PTPRR: variants seen among roughly 807,000 people sequenced by gnomAD.
The protein encoded by PTPRR is protein tyrosine phosphatase receptor type R.
A neutral mutation model predicts 77.2 loss-of-function variants in PTPRR; 38 were observed. That is an observed-to-expected ratio of 0.49 (90% confidence interval 0.38 to 0.65). The LOEUF is 0.65. PTPRR is among the 30% of genes least tolerant of loss of function. The probability of loss-of-function intolerance (pLI) is 0.00; values close to 1 mark genes in which losing one functional copy is unlikely to be tolerated. For missense variants in PTPRR, 744 were observed against 799.2 expected, an observed-to-expected ratio of 0.93 and a Z score of 0.83; for synonymous variants, 299 against 283.1, an observed-to-expected ratio of 1.06 and a Z score of -0.57.
At chr12:70,797,321 T>C (rs898746856) in intron 2 of PTPRR, among the ~76,000 whole-genome samples, 1 of 152,216 alleles carries the variant, frequency 6.6e-6, no homozygotes, top group African/African-American at 2.4e-5. Flanking sequence ...CCTCCAATTA[T>C]GCTCCCATCC....
intron 13 of PTPRR, among the ~76,000 whole-genome samples, chr12:70,646,242 A>G (rs141833954): frequency 2.6e-4 from 39 of 152,290 alleles, no homozygotes; most frequent in Non-Finnish European, 7.3e-5. Context: ...GGTCAGCTGT[A>G]AGGTGTGTCT....
At chr12:70,744,278 T>C (rs2136922717) in intron 6 of PTPRR, among the ~76,000 whole-genome samples, 1 of 152,298 alleles carries the variant, frequency 6.6e-6, no homozygotes, top group South Asian at 2.1e-4. Flanking sequence ...TTCTCCTGAC[T>C]CCCAGTTAGC....
rs1592671158 is a variant in PTPRR, at chr12:70,684,797, C to A, written c.1280-14G>T. On this transcript the variant is annotated splice_polypyrimidine_tract_variant and intron_variant, in intron 8 of 13. Coordinates refer to ENST00000283228, the MANE Select transcript of PTPRR (RefSeq NM_002849.4). ...TGCTGAGGGGATCTAATGAAGAAAA[C>A]AAAAAAGAATATATTAAACAGATTT... The A allele has an allele frequency of 1.3e-6, 2 of 1,557,122 alleles. No individual in the cohort carries two copies. Among genetic ancestry groups the A allele is most frequent in the African/African-American group, 1.4e-5 (1 of 72,410 alleles).
At chr12:70,873,741 A>G (rs1027884883) in intron 2 of PTPRR, among the ~76,000 whole-genome samples, 3 of 151,790 alleles carry the variant, frequency 2.0e-5, no homozygotes, top group African/African-American at 7.3e-5. Context: ...CTGCAATTTT[A>G]TCATGAGAAT....
intron 2 of PTPRR, among the ~76,000 whole-genome samples, chr12:70,791,466 C>T (rs1040348110): frequency 5.3e-5 from 8 of 152,260 alleles, no homozygotes; most frequent in African/African-American, 1.7e-4. Context: ...TTCCTGTCAC[C>T]GTCTGCCTGC....
intron 2 of PTPRR, among the ~76,000 whole-genome samples, chr12:70,886,540 A>G (rs900898966): frequency 6.6e-6 from 1 of 152,194 alleles, no homozygotes; most frequent in African/African-American, 2.4e-5. Flanking sequence ...ATGATTTTGA[A>G]TCCTGGGAAT....
At chr12:70,728,901 A>G (rs1889551783) in intron 6 of PTPRR, among the ~76,000 whole-genome samples, 3 of 152,066 alleles carry the variant, frequency 2.0e-5, no homozygotes, top group African/African-American at 7.2e-5. Context: ...GAGCTGTTGG[A>G]ATACTACGGG....
intron 2 of PTPRR, among the ~76,000 whole-genome samples, chr12:70,802,359 A>G (rs1203454420): frequency 6.6e-6 from 1 of 152,190 alleles, no homozygotes. Flanking sequence ...TGATGAGCAA[A>G]TTATATTGAG....
chr12:70,854,174 C>T (rs1202290519), intron 2 of PTPRR, among the ~76,000 whole-genome samples: 1 of 152,158 alleles, frequency 6.6e-6, no homozygotes, highest in Admixed American at 6.5e-5. Flanking sequence ...CTTTCCATGA[C>T]CACCAACAGT....
intron 6 of PTPRR, among the ~76,000 whole-genome samples, chr12:70,733,479 A>AAAAAAAAAAAAAAAAAAAAAAAAAATT (rs1889753835): frequency 3.4e-5 from 3 of 89,394 alleles, no homozygotes; most frequent in Non-Finnish European, 6.4e-5. Flanking sequence ...GCAAAAAAAA[A>AAAAAAAAAAAAAAAAAAAAAAAAAATT]AAGAAAAAAA....
At chr12:70,800,460 T>C (rs1891595949) in intron 2 of PTPRR, among the ~76,000 whole-genome samples, 1 of 152,112 alleles carries the variant, frequency 6.6e-6, no homozygotes, top group Non-Finnish European at 1.5e-5. Flanking sequence ...TCAAGAATAA[T>C]AAAAAGAGCT....
chr12:70,734,994 C>T (rs961725060), intron 6 of PTPRR, among the ~76,000 whole-genome samples: 1 of 152,114 alleles, frequency 6.6e-6, no homozygotes, highest in Non-Finnish European at 1.5e-5. Context: ...AAACTTTTGC[C>T]TCCTTTTTCT....
At chr12:70,792,355 T>C (rs1367674599) in intron 2 of PTPRR, among the ~76,000 whole-genome samples, 3 of 152,202 alleles carry the variant, frequency 2.0e-5, no homozygotes, top group Non-Finnish European at 4.4e-5. Context: ...GAATTAGGCC[T>C]TCTTACCCCA....
At chr12:70,726,982 G>A (rs180693657) in intron 6 of PTPRR, among the ~76,000 whole-genome samples, 33 of 152,138 alleles carry the variant, frequency 2.2e-4, no homozygotes, top group African/African-American at 8.0e-4. Flanking sequence ...GGGAGAGAAG[G>A]GGGAAAGTGG....
chr12:70,767,707 T>C (rs1209010583), intron 2 of PTPRR, among the ~76,000 whole-genome samples: 3 of 152,180 alleles, frequency 2.0e-5, no homozygotes, highest in Non-Finnish European at 4.4e-5. Context: ...ATCAACAGAA[T>C]ATACATTTTT....
At chr12:70,816,831 CA>C (rs1033484190) in intron 2 of PTPRR, among the ~76,000 whole-genome samples, 3 of 151,896 alleles carry the variant, frequency 2.0e-5, no homozygotes, top group Non-Finnish European at 4.4e-5. Flanking sequence ...TTCTAAGTTA[CA>C]ATGTTTGATT....
chr12:70,665,339 G>T (rs1313821760), intron 10 of PTPRR, among the ~76,000 whole-genome samples: 1 of 139,626 alleles, frequency 7.2e-6, no homozygotes, highest in East Asian at 2.3e-4. Flanking sequence ...GCAAAAGTAG[G>T]ATGTAACACA....
chr12:70,850,772 A>T (rs1892559544), intron 2 of PTPRR, among the ~76,000 whole-genome samples: 1 of 152,304 alleles, frequency 6.6e-6, no homozygotes, highest in East Asian at 1.9e-4. Context: ...GCCAGGCCCA[A>T]TGCAGAAAAC....
intron 10 of PTPRR, among the ~76,000 whole-genome samples, chr12:70,666,935 GTTTTTTTTTTTTTTTTTTTTTTTTTT>G (rs142691396): frequency 1.0e-3 from 29 of 29,052 alleles, no homozygotes; most frequent in African/African-American, 1.4e-3. Flanking sequence ...GTGTTTTTCT[GTTTTTTTTTTTTTTTTTTTTTTTTTT>G]TTTTTTTTTT....
Sources: allele counts gnomAD v4.1 joint callset (sites outside exome capture counted in the v4.1 genomes callset), GRCh38; gene constraint gnomAD v4.1.1; transcripts MANE v1.5; gene names NCBI Gene and HGNC (gene_info 2026-07-23, HGNC 2026-07-21).